Variants in FCER1A observed in about 807,000 individuals in gnomAD.
The protein encoded by FCER1A is Fc epsilon receptor Ia, also known as high affinity immunoglobulin epsilon receptor subunit alpha.
A neutral mutation model predicts 23.6 loss-of-function variants in FCER1A; 24 were observed. The observed-to-expected ratio is 1.02, with a 90% CI of 0.74 to 1.43. FCER1A has a LOEUF of 1.43. Among genes scored for constraint, FCER1A ranks in the 40% most tolerant of loss-of-function variants. The pLI is 0.00. For missense variants in FCER1A, 318 were observed against 294.5 expected, an observed-to-expected ratio of 1.08 and a Z score of -0.58; for synonymous variants, 121 against 108.8, an observed-to-expected ratio of 1.11 and a Z score of -0.70.
chr1:159,304,327 C>T (rs1279174168), intron 3 of FCER1A, 145 bp downstream of exon 3: 1 of 740,908 alleles, frequency 1.3e-6, no homozygotes, highest in Non-Finnish European at 2.2e-6. Flanking sequence ...ATTGGCTGGG[C>T]ACAGTGGCTC....
chr1:159,306,768 T>A (rs1309137229), intron 4 of FCER1A, among the ~76,000 whole-genome samples: 2 of 151,774 alleles, frequency 1.3e-5, no homozygotes, highest in African/African-American at 2.4e-5. Context: ...GGTAGGGAGG[T>A]GGACTGCCTC....
upstream of FCER1A, among the ~76,000 whole-genome samples, chr1:159,285,720 T>C (rs958856229): frequency 6.6e-6 from 1 of 152,096 alleles, no homozygotes; most frequent in Non-Finnish European, 1.5e-5. Flanking sequence ...ATATACAAAA[T>C]AAATTATTTA....
Position 159,304,245 on chromosome 1 carries a change from G to A in FCER1A, c.331+63G>A, listed in dbSNP as rs1571081476. 5 of 1,507,744 alleles carry A rather than the reference G, an allele frequency of 3.3e-6. No homozygotes were observed. In the South Asian group the frequency reaches 4.9e-5, roughly 15 times the overall value. The allele number at this position is 1,507,744 out of a possible 1,614,324, so 93.4% of individuals were successfully genotyped here. ...TGAGGGATGGCTCATCTGAAGATGG[G>A]AAAAAACAGGTTATTCCAAGGGTTA... On this transcript the variant is annotated intron_variant, in intron 3 of 4. Transcript: ENST00000693622.
upstream of FCER1A, among the ~76,000 whole-genome samples, chr1:159,299,694 T>C (rs1272876080): frequency 6.6e-6 from 1 of 152,108 alleles, no homozygotes; most frequent in Non-Finnish European, 1.5e-5. Context: ...GTGTTCCTGA[T>C]GTGGACAGGC....
upstream of FCER1A, among the ~76,000 whole-genome samples, chr1:159,302,110 T>G (rs1652446423): frequency 6.6e-6 from 1 of 152,176 alleles, no homozygotes; most frequent in African/African-American, 2.4e-5. Context: ...GTGCTAGACC[T>G]ATGCCTCTCT....
At chr1:159,292,386 C>T (rs1571075541) in intron 1 of FCER1A, among the ~76,000 whole-genome samples, 1 of 152,100 alleles carries the variant, frequency 6.6e-6, no homozygotes, top group African/African-American at 2.4e-5. Context: ...CCAGTCTTCA[C>T]CATGTAATTA....
At position 159,306,171 on chromosome 1, in the gene FCER1A, G is replaced by T. The variant is rs764936769; in HGVS notation, c.515G>T (p.Gly172Val). 6.2e-7 allele frequency: 1 copy of T among 1,614,142 alleles called. No individual in the cohort carries two copies. The highest frequency in any genetic ancestry group is 8.5e-7 in the Non-Finnish European group (1 of 1,180,012). Reference sequence around the variant, plus strand: ...ACAAATGCCACAGTTGAAGACAGTGGAACCTACTACTGTACGGGCAAAGTG... The same window carrying T: ...ACAAATGCCACAGTTGAAGACAGTGTAACCTACTACTGTACGGGCAAAGTG... ...SITNATVEDSGTYYCTGKVWQ... is the reference protein window; with the variant it reads ...SITNATVEDSVTYYCTGKVWQ... The change falls in exon 4 of 5, where the codon GGA becomes GTA. Residue 172 changes from glycine to valine, a missense_variant. Physicochemically the swap from Gly to Val is moderately radical, Grantham distance 109 (BLOSUM62 -3). Coordinates refer to ENST00000693622, the MANE Select transcript of FCER1A (RefSeq NM_001387280.1).
At chr1:159,307,118 G>A (rs1652639187) in intron 4 of FCER1A, among the ~76,000 whole-genome samples, 1 of 152,256 alleles carries the variant, frequency 6.6e-6, no homozygotes, top group Admixed American at 6.5e-5. Flanking sequence ...GGTTTGGGGT[G>A]CAGCCTGGGT....
At chr1:159,287,695 G>GTATATTATATATAAATATATAA (rs1486819466), upstream of FCER1A, among the ~76,000 whole-genome samples, 54 of 147,248 alleles carry the variant, frequency 3.7e-4, no homozygotes, top group Middle Eastern at 3.6e-3. Context: ...TTCATATATT[G>GTATATTATATATAAATATATAA]TATATTATAT....
At chr1:159,307,688 C>A in intron 4 of FCER1A, 60 bp from the exon 5 acceptor site, 1 of 1,310,952 alleles carries the variant, frequency 7.6e-7, no homozygotes, top group Non-Finnish European at 1.1e-6. Flanking sequence ...AAACTCTGAA[C>A]CTCATTTTTC....
At chr1:159,284,109 A>G in the FCER1A span, among the ~76,000 whole-genome samples, 1 of 152,212 alleles carries the variant, frequency 6.6e-6, no homozygotes, top group Non-Finnish European at 1.5e-5. Flanking sequence ...AGTATTGGAG[A>G]GCAGCTAGCT....
chr1:159,291,630 C>T (rs1407717499), intron 1 of FCER1A, among the ~76,000 whole-genome samples: 2 of 152,104 alleles, frequency 1.3e-5, no homozygotes, highest in Non-Finnish European at 2.9e-5. Flanking sequence ...CTTATACTTC[C>T]CTTATTCCCT....
upstream of FCER1A, among the ~76,000 whole-genome samples, chr1:159,299,887 G>T (rs1276757100): frequency 1.3e-5 from 2 of 148,608 alleles, no homozygotes; most frequent in Admixed American, 6.8e-5. Flanking sequence ...CTGTGTTCTT[G>T]TTCTGTTCTT....
chr1:159,306,133 C>A lies in FCER1A; in HGVS notation c.477C>A (p.His159Gln). The A allele has an allele frequency of 1.2e-6, 2 of 1,614,160 alleles. No homozygotes were observed. The highest frequency in any genetic ancestry group is 2.7e-5 in the African/African-American group (2 of 75,056). ...CTCTCAAGTACTGGTATGAGAACCACAACATCTCCATTACAAATGCCACAG... is the reference window on the plus strand; with the variant it reads ...CTCTCAAGTACTGGTATGAGAACCAAAACATCTCCATTACAAATGCCACAG... ...GEALKYWYEN[H>Q]NISITNATVE... The change falls in exon 4 of 5, where the codon CAC (histidine) becomes CAA (glutamine). Residue 159 changes from histidine to glutamine, a missense_variant. His to Gln is a conservative substitution (Grantham distance 24, BLOSUM62 0). Transcript: ENST00000693622.
upstream of FCER1A, among the ~76,000 whole-genome samples, chr1:159,301,412 A>G (rs376521270): frequency 2.6e-5 from 4 of 152,320 alleles, no homozygotes; most frequent in African/African-American, 9.6e-5. Context: ...CCTGCTGTGT[A>G]TTTAAAGGAG....
rs1389190196 is a variant in FCER1A at position 159,304,200 on chromosome 1, G to A, written c.331+18G>A. On this transcript the variant is annotated intron_variant, in intron 3 of 4. Coordinates refer to ENST00000693622, the MANE Select transcript of FCER1A (RefSeq NM_001387280.1). ...CTTCAGTGGTAAGTTCCAGGGATAT[G>A]GAAATACAGATCTCTCATGTGAGGG... 1 of 1,609,308 alleles carries A rather than the reference G, an allele frequency of 6.2e-7. No homozygotes were observed. Among genetic ancestry groups the A allele is most frequent in the African/African-American group, 1.3e-5 (1 of 74,844 alleles).
At chr1:159,284,248 T>C in the FCER1A span, among the ~76,000 whole-genome samples, 1 of 152,146 alleles carries the variant, frequency 6.6e-6, no homozygotes, top group Non-Finnish European at 1.5e-5. Flanking sequence ...CAGCCCTACT[T>C]TTCCATTTAG....
upstream of FCER1A, among the ~76,000 whole-genome samples, chr1:159,286,425 C>G (rs571968770): frequency 6.6e-6 from 1 of 151,636 alleles, no homozygotes; most frequent in Non-Finnish European, 1.5e-5. Flanking sequence ...CTCCGCCTCC[C>G]GGGTTCATGC....
chr1:159,307,834 A>G lies in FCER1A; in HGVS notation c.676A>G (p.Thr226Ala), dbSNP rs371500826. The change falls in exon 5 of 5, where the codon ACT becomes GCT. Residue 226 changes from threonine (T) to alanine (A), a missense_variant. By Grantham distance (58) the Thr-to-Ala change is moderately conservative. Coordinates refer to ENST00000693622, the MANE Select transcript of FCER1A (RefSeq NM_001387280.1). ...FAVDTGLFIS[T>A]QQQVTFLLKI... ...TGTGGACACAGGATTATTTATCTCA[A>G]CTCAGCAGCAGGTCACATTTCTCTT... The G allele has an allele frequency of 1.2e-6, 2 of 1,613,096 alleles. No individual in the cohort carries two copies. The highest frequency in any genetic ancestry group is 1.3e-5 in the African/African-American group (1 of 74,888).
Sources: gnomAD v4.1 joint callset for allele counts (sites outside exome capture counted in the v4.1 genomes callset) on GRCh38, gnomAD v4.1.1 for gene constraint, MANE v1.5 for transcripts, NCBI Gene and HGNC (gene_info 2026-07-23, HGNC 2026-07-21) for gene names.